Variants in TEP1 observed in about 807,000 individuals in gnomAD.
TEP1 encodes the protein telomerase protein component 1.
In TEP1, 241 loss-of-function variants were observed where a neutral mutation model predicts 306.3. That is an observed-to-expected ratio of 0.79 (90% CI 0.71 to 0.88). The LOEUF is 0.88. Among genes scored for constraint, TEP1 ranks in the 40% least tolerant of loss-of-function variants. The pLI is 0.00. For missense variants in TEP1, 3,051 were observed against 3,276.1 expected (o/e 0.93, Z 1.68); for synonymous variants, 1,289 against 1,305.5 (o/e 0.99, Z 0.27).
In TEP1 at chr14:20,395,494, C is replaced by T; in HGVS notation, c.1884G>A (p.Leu628=). The change falls in exon 12 of 55, where the codon TTG becomes TTA. Residue 628 remains leucine (L), a synonymous_variant. Coordinates refer to ENST00000262715, the MANE Select transcript of TEP1 (RefSeq NM_007110.5). Reference sequence around the variant, plus strand: ...GCTTCTCCCTCTTGAGCTGCTCATACAACACAGGTATCCTCATTGCCATCC... The same window carrying T: ...GCTTCTCCCTCTTGAGCTGCTCATATAACACAGGTATCCTCATTGCCATCC... ...QLRMAMRIPV[L]YEQLKREKLR... is the part of the protein sequence containing the mutation. The T allele has an allele frequency of 6.2e-7, 1 of 1,612,358 alleles. No homozygotes were observed. Among genetic ancestry groups the T allele is most frequent in the Non-Finnish European group, 8.5e-7 (1 of 1,178,864 alleles).
chr14:20,409,080 A>G lies in TEP1; in HGVS notation c.-24-617T>C, dbSNP rs118078325. Among the ~76,000 whole-genome samples the G allele has an allele frequency of 1.0e-3, 159 of 152,226 alleles. 1 individual carries two copies. Among genetic ancestry groups the G allele is most frequent in the Non-Finnish European group, 2.0e-3 (135 of 67,996 alleles). On this transcript the variant is annotated intron_variant, in intron 1 of 54. Coordinates refer to ENST00000262715, the MANE Select transcript of TEP1 (RefSeq NM_007110.5). Reference sequence around the variant, plus strand: ...CTCCTATTCACTCTTTAACCAACTAAATGGGATTCTGTCCCCACCAGTCCA... The same window carrying G: ...CTCCTATTCACTCTTTAACCAACTAGATGGGATTCTGTCCCCACCAGTCCA...
chr14:20,372,382 G>A (rs1421046004), intron 49 of TEP1, among the ~76,000 whole-genome samples: 6 of 98,260 alleles, frequency 6.1e-5, no homozygotes, highest in African/African-American at 1.1e-4. Context: ...GTGTGTGTAT[G>A]TGTGTGTGTG....
chr14:20,384,213 T>C lies in TEP1; in HGVS notation c.3359A>G (p.Gln1120Arg). Residue 1120 changes from glutamine to arginine, a missense_variant, in exon 24 of 55, where the codon CAG becomes CGG. This residue lies in a region of TEP1 where 1,507 missense variants were observed against 1,550.5 expected (regional missense o/e 0.97). Coordinates refer to ENST00000262715, the MANE Select transcript of TEP1 (RefSeq NM_007110.5). ...GTCATCGTCTGGGATGGACACTGGC[T>C]GCTCCAGCAGGGCCCCAGGCTGAGG... ...LYLQPGALLEQPVSIPDDDLV... is the reference protein window; with the variant it reads ...LYLQPGALLERPVSIPDDDLV... 1.2e-6 allele frequency: 2 copies of C among 1,614,058 alleles called. No homozygotes were observed. The highest frequency in any genetic ancestry group is 2.2e-5 in the South Asian group (2 of 91,068).
At chr14:20,382,819 C>T in intron 27 of TEP1, 104 bp from the exon 28 acceptor site, 1 of 1,011,290 alleles carries the variant, frequency 9.9e-7, no homozygotes. Flanking sequence ...CTCTGAGAGT[C>T]CCCAGCAGAC....
At chr14:20,380,202 T>G (rs1036412299) in intron 34 of TEP1, 33 bp downstream of exon 34, 2 of 1,602,184 alleles carry the variant, frequency 1.2e-6, no homozygotes, top group East Asian at 2.2e-5. Flanking sequence ...TGCTCTCTGG[T>G]GGGCTTACTA....
intron 7 of TEP1, among the ~76,000 whole-genome samples, chr14:20,402,659 A>G (rs1878845700): frequency 6.6e-6 from 1 of 152,244 alleles, no homozygotes; most frequent in Admixed American, 6.5e-5. Context: ...CCAATGTCTC[A>G]TAGCCAGTAA....
At position 20,369,404 on chromosome 14, in the gene TEP1, A is replaced by G. The variant is rs1884684802; in HGVS notation, c.7596T>C (p.Asp2532=). The G allele has an allele frequency of 6.2e-7, 1 of 1,614,050 alleles. No individual in the cohort carries two copies. The highest frequency in any genetic ancestry group is 1.3e-5 in the African/African-American group (1 of 75,034). The change falls in exon 53 of 55, where the codon GAT becomes GAC. Residue 2532 remains aspartate (D), a synonymous_variant. Coordinates refer to ENST00000262715, the MANE Select transcript of TEP1 (RefSeq NM_007110.5). ...STCRESDASM[D]SDASMDSEPT... Reference sequence around the variant, plus strand: ...GCTCACTATCCATGCTGGCATCACTATCCATGCTGGCATCAGATTCCCTGC... The same window carrying G: ...GCTCACTATCCATGCTGGCATCACTGTCCATGCTGGCATCAGATTCCCTGC...
At chr14:20,388,085 A>G (rs2139096660) in intron 17 of TEP1, 22 bp from the exon 18 acceptor site, 1 of 1,613,586 alleles carries the variant, frequency 6.2e-7, no homozygotes, top group East Asian at 2.2e-5. Flanking sequence ...AACAAGATAA[A>G]TGAGAGTAGA....
chr14:20,399,329 G>A (rs1407186820), intron 9 of TEP1, among the ~76,000 whole-genome samples: 4 of 151,762 alleles, frequency 2.6e-5, no homozygotes, highest in Admixed American at 2.6e-4. Context: ...GATCATTTTC[G>A]GTAAGAAATT....
chr14:20,396,952 C>G (rs1376887821), intron 9 of TEP1, among the ~76,000 whole-genome samples: 1 of 151,484 alleles, frequency 6.6e-6, no homozygotes, highest in African/African-American at 2.4e-5. Flanking sequence ...GCAAGAAGTT[C>G]AGAAACCAGG....
At chr14:20,377,139 C>A in intron 41 of TEP1, 141 bp downstream of exon 41, 1 of 663,778 alleles carries the variant, frequency 1.5e-6, no homozygotes, top group Non-Finnish European at 2.4e-6. Flanking sequence ...TGCTTGAACC[C>A]AGGAGGCAGA....
rs1398505815 is a variant in TEP1, at chr14:20,386,096, A to G, written c.2961T>C (p.Pro987=). The change falls in exon 20 of 55, where the codon CCT becomes CCC. Residue 987 remains proline, a synonymous_variant. Transcript: ENST00000262715. ...YGYIPPSYNL[P]DHPHFHWAQQ... The stretch of plus-strand genomic sequence containing the variant: ...TTACCCAGTGGAAGTGTGGATGGTC[A>G]GGAAGGTTGTAGCTGGGGGGAATGT... 2 of 1,611,698 alleles carry G rather than the reference A, an allele frequency of 1.2e-6. No individual in the cohort carries two copies. The highest frequency in any genetic ancestry group is 1.7e-6 in the Non-Finnish European group (2 of 1,179,126).
rs559679151 is a variant in TEP1, at chr14:20,407,587, C to T, written c.567+286G>A. Among the ~76,000 whole-genome samples, 232 of 152,302 alleles carry T rather than the reference C, an allele frequency of 1.5e-3. 3 individuals are homozygous for T. The highest frequency in any genetic ancestry group is 5.3e-3 in the African/African-American group (220 of 41,562). On this transcript the variant is annotated intron_variant, in intron 2 of 54. Transcript: ENST00000262715. ...AACTCCTGGACTCAAGTGATCCGCC[C>T]GCCTTGGCCTCCCAAAGTGCTGGGA...
chr14:20,382,245 C>T lies in TEP1; in HGVS notation c.4252G>A (p.Ala1418Thr). 3 of 1,614,160 alleles carry T rather than the reference C, an allele frequency of 1.9e-6. No homozygotes were observed. Among genetic ancestry groups the T allele is most frequent in the Non-Finnish European group, 2.5e-6 (3 of 1,180,034 alleles). ...GPDVLPQALT[A>T]LEVTRSGLTV... ...TGACCACTCCGTGTGACTTCTAGGGCAGTCAAGGCCTGGGGAAGGACATCA... is the reference window on the plus strand; with the variant it reads ...TGACCACTCCGTGTGACTTCTAGGGTAGTCAAGGCCTGGGGAAGGACATCA... Residue 1418 changes from alanine to threonine, a missense_variant, in exon 29 of 55, where the codon GCC (alanine) becomes ACC (threonine). This residue lies in a region of TEP1 where 1,540 missense variants were observed against 1,705.9 expected (regional missense o/e 0.90). Coordinates refer to ENST00000262715, the MANE Select transcript of TEP1 (RefSeq NM_007110.5).
Position 20,380,534 on chromosome 14 carries a change from C to T in TEP1, c.4763-59G>A, listed in dbSNP as rs546371878. The T allele has an allele frequency of 9.0e-6, 14 of 1,549,182 alleles. No individual in the cohort carries two copies. The East Asian group carries it at 1.1e-4, about 12-fold the overall frequency. On this transcript the variant is annotated intron_variant, in intron 33 of 54. Transcript: ENST00000262715. ...CAGCTGGACCCCATTAGCCCCAGCA[C>T]CAAATAAAACCATATGGTGTGTCTA...
rs780045222 is a variant in TEP1 at position 20,384,969 on chromosome 14, A to G, written c.3107+16T>C. 1.2e-6 allele frequency: 2 copies of G among 1,614,170 alleles called. No homozygotes were observed. The highest frequency in any genetic ancestry group is 1.7e-6 in the Non-Finnish European group (2 of 1,180,028). ...TTTTGGGGAAGGAGCCCCAGCCTGCAGGCAACAGACAGTACCTGAGGAAGC... is the reference window on the plus strand; with the variant it reads ...TTTTGGGGAAGGAGCCCCAGCCTGCGGGCAACAGACAGTACCTGAGGAAGC... On this transcript the variant is annotated intron_variant, in intron 21 of 54. Coordinates refer to ENST00000262715, the MANE Select transcript of TEP1 (RefSeq NM_007110.5).
Position 20,377,609 on chromosome 14 carries a change from T to C in TEP1, c.5866A>G (p.Ile1956Val), listed in dbSNP as rs768280501. The C allele has an allele frequency of 1.2e-6, 2 of 1,613,854 alleles. No individual in the cohort carries two copies. The highest frequency in any genetic ancestry group is 3.3e-5 in the Admixed American group (2 of 59,992). Residue 1956 changes from isoleucine to valine, a missense_variant, in exon 40 of 55, where the codon ATC becomes GTC. Ile to Val is a conservative substitution (Grantham distance 29). Coordinates refer to ENST00000262715, the MANE Select transcript of TEP1 (RefSeq NM_007110.5). ...YRADGIRIYK[I>V]SSGSQGAQGQ... is the part of the protein sequence containing the mutation. ...ATTCCCATTTCAGTACCTGAAGAGA[T>C]TTTGTAGATCCTAATGCCATCCGCT...
At position 20,378,852 on chromosome 14, in the gene TEP1, C is replaced by T; in HGVS notation, c.5254G>A (p.Val1752Met). ...TACTGGTGAGCCTTAGTCTGCAGCA[C>T]CCTATCCCAGGAAGATGAAGTCAGT... ...ELWDLQHGCRVLQTKAHQYQI... is the reference protein window; with the variant it reads ...ELWDLQHGCRMLQTKAHQYQI... Residue 1752 changes from valine (V) to methionine (M), a missense_variant and splice_region_variant, in exon 37 of 55, where the codon GTG (valine) becomes ATG (methionine). By Grantham distance (21) the Val-to-Met change is conservative. Transcript: ENST00000262715. The T allele has an allele frequency of 6.2e-7, 1 of 1,614,188 alleles. No homozygotes were observed. Among genetic ancestry groups the T allele is most frequent in the South Asian group, 1.1e-5 (1 of 91,088 alleles).
chr14:20,386,132 G>T lies in TEP1; in HGVS notation c.2925C>A (p.Ser975=). ...NAQLFVGILG[S]RYGYIPPSYN... ...AGCTGGGGGGAATGTATCCATAACG[G>T]GAGCCCAGAATCCCCACAAACAGCT... Residue 975 remains serine (S), a synonymous_variant, in exon 20 of 55, where the codon TCC becomes TCA. Transcript: ENST00000262715. The T allele has an allele frequency of 6.2e-7, 1 of 1,613,444 alleles. No individual in the cohort carries two copies. The highest frequency in any genetic ancestry group is 1.1e-5 in the South Asian group (1 of 90,922).
Sources: allele counts gnomAD v4.1 joint callset (sites outside exome capture counted in the v4.1 genomes callset), GRCh38; gene constraint gnomAD v4.1.1; regional missense constraint gnomAD v4.1.1; transcripts MANE v1.5; gene names NCBI Gene and HGNC (gene_info 2026-07-23, HGNC 2026-07-21).